The following METTL15 variants were observed in gnomAD, a reference collection of about 807,000 sequenced individuals.
METTL15 encodes methyltransferase 15, mitochondrial 12S rRNA N4-cytidine.
Under a neutral mutation model 38.3 loss-of-function variants are expected in METTL15, and 34 were observed. That is an observed-to-expected ratio of 0.89 (90% CI 0.68 to 1.18). The LOEUF is 1.18. Ranked by LOEUF, METTL15 falls within the 50% of genes most tolerant of loss-of-function variation. METTL15 has a pLI of 0.00. For synonymous variants in METTL15, 162 were observed against 170.9 expected (o/e 0.95, Z 0.41); for missense variants, 438 against 498.4 (o/e 0.88, Z 1.15).
In METTL15 at chr11:28,147,635, C is replaced by T. The variant is rs1203145862; in HGVS notation, c.270+34031C>T. ...AGGAAATTTTAAGAACAACAGTAAC[C>T]TATTGGGTTTTTGTTCATTATCCCT... On this transcript the variant is annotated intron_variant, in intron 3 of 6. Transcript: ENST00000407364. Among the ~76,000 whole-genome samples the T allele has an allele frequency of 2.6e-5, 4 of 151,618 alleles. No individual in the cohort carries two copies. The South Asian group carries it at 8.3e-4, about 32-fold the overall frequency.
chr11:28,399,932 A>G (rs1850614305), intron 5 of METTL15, among the ~76,000 whole-genome samples: 2 of 151,950 alleles, frequency 1.3e-5, no homozygotes, highest in Non-Finnish European at 2.9e-5. Context: ...GAGTACCTGA[A>G]GCCATAAATA....
At chr11:28,442,707 GTTTCCCC>G (rs1331780226) in intron 6 of METTL15, among the ~76,000 whole-genome samples, 1 of 152,140 alleles carries the variant, frequency 6.6e-6, no homozygotes, top group East Asian at 1.9e-4. Flanking sequence ...GCAGAGGTGA[GTTTCCCC>G]TGGGAAATCC....
intron 3 of METTL15, among the ~76,000 whole-genome samples, chr11:28,173,039 C>T (rs1371893750): frequency 6.6e-6 from 1 of 151,986 alleles, no homozygotes; most frequent in Non-Finnish European, 1.5e-5. Context: ...TTGATAGTAA[C>T]TGATGAAAAG....
intron 5 of METTL15, among the ~76,000 whole-genome samples, chr11:28,397,619 G>T (rs1428985790): frequency 2.0e-5 from 3 of 152,042 alleles, no homozygotes; most frequent in Admixed American, 2.0e-4. Flanking sequence ...GGAGAAATAG[G>T]AACACTTTTA....
At chr11:28,411,059 T>C (rs552735890) in intron 5 of METTL15, among the ~76,000 whole-genome samples, 8 of 152,158 alleles carry the variant, frequency 5.3e-5, no homozygotes, top group Non-Finnish European at 1.2e-4. Context: ...GTGAAAGATT[T>C]GTACACTGAA....
chr11:28,211,286 A>C, intron 4 of METTL15, 88 bp downstream of exon 4: 2 of 1,238,356 alleles, frequency 1.6e-6, no homozygotes, highest in Non-Finnish European at 2.2e-6. Flanking sequence ...TCTGCTTTGC[A>C]TGGGCTATAT....
At chr11:28,416,699 T>C (rs1850775346) in intron 5 of METTL15, among the ~76,000 whole-genome samples, 2 of 152,222 alleles carry the variant, frequency 1.3e-5, no homozygotes, top group Non-Finnish European at 2.9e-5. Context: ...GTAGCTCTGA[T>C]ACCAGAGACT....
chr11:28,447,721 G>A (rs1176398560), intron 6 of METTL15, among the ~76,000 whole-genome samples: 4 of 152,036 alleles, frequency 2.6e-5, no homozygotes, highest in African/African-American at 7.3e-5. Context: ...TTAGAGAATG[G>A]CAGTTATGTA....
chr11:28,180,743 A>G (rs976345907), intron 3 of METTL15, among the ~76,000 whole-genome samples: 1 of 151,966 alleles, frequency 6.6e-6, no homozygotes, highest in East Asian at 1.9e-4. Flanking sequence ...AAATGAAAAG[A>G]ATAGTATATT....
intron 5 of METTL15, among the ~76,000 whole-genome samples, chr11:28,371,885 T>C: frequency 6.6e-6 from 1 of 152,136 alleles, no homozygotes; most frequent in East Asian, 1.9e-4. Context: ...TAACAATTTT[T>C]TGTTAGAGAC....
chr11:28,403,738 C>T (rs1180204245), intron 5 of METTL15, among the ~76,000 whole-genome samples: 1 of 152,038 alleles, frequency 6.6e-6, no homozygotes, highest in African/African-American at 2.4e-5. Context: ...AGGAACATGA[C>T]TAAGAAATGG....
In METTL15 at chr11:28,436,027, T is replaced by C. The variant is rs181766586; in HGVS notation, c.*424+11663T>C. Among the ~76,000 whole-genome samples the C allele has an allele frequency of 6.1e-3, 921 of 151,904 alleles. 3 individuals are homozygous for C. Among genetic ancestry groups the C allele is most frequent in the Non-Finnish European group, 9.9e-3 (673 of 68,022 alleles). On this transcript the variant is annotated intron_variant and NMD_transcript_variant, in intron 6 of 7. Coordinates refer to the METTL15 transcript ENST00000532947. ...TTTAATTTAGAATATATCTTTCTTG[T>C]AGCAGTGTATCAAATACAGTCAATA...
At chr11:28,410,636 C>G (rs1393374029) in intron 5 of METTL15, 1 of 151,834 alleles carries the variant, frequency 6.6e-6, no homozygotes, top group East Asian at 1.9e-4. Flanking sequence ...ATAATAAAGC[C>G]CATTTAAGAA....
At chr11:28,335,179 GTAT>G (rs890822861), downstream of METTL15, among the ~76,000 whole-genome samples, 12 of 152,090 alleles carry the variant, frequency 7.9e-5, no homozygotes, top group African/African-American at 1.9e-4. Context: ...GTGAAGATTT[GTAT>G]TATTAAGCCA....
Position 28,354,608 on chromosome 11 carries a change from GA to G in METTL15, c.*258+2458del, listed in dbSNP as rs374473573. 1.1e-4 allele frequency among the ~76,000 whole-genome samples: 16 copies of G among 151,730 alleles called. No homozygotes were observed. In the South Asian group the frequency reaches 2.3e-3, roughly 22 times the overall value. Reference sequence around the variant, plus strand: ...GTATGGCTTGAGGGCAGCAGTGGATGAAAAAAAACCCTGACTTTATTGTATC... The same window carrying G: ...GTATGGCTTGAGGGCAGCAGTGGATGAAAAAAACCCTGACTTTATTGTATC... On this transcript the variant is annotated intron_variant and NMD_transcript_variant, in intron 4 of 7. Coordinates refer to the METTL15 transcript ENST00000532947.
At chr11:28,457,274 A>G (rs959907937) in intron 6 of METTL15, among the ~76,000 whole-genome samples, 1 of 152,220 alleles carries the variant, frequency 6.6e-6, no homozygotes, top group Non-Finnish European at 1.5e-5. Context: ...AAAGGCTTAT[A>G]TAAATAGATT....
chr11:28,363,317 G>A (rs964125449), intron 5 of METTL15, among the ~76,000 whole-genome samples: 1 of 152,048 alleles, frequency 6.6e-6, no homozygotes, highest in African/African-American at 2.4e-5. Flanking sequence ...GGGATTACAG[G>A]CTTGTGCCAC....
rs1054685457 is a variant in METTL15 at position 28,327,814 on chromosome 11, A to G, written c.779-2582A>G. 3 of 279,146 alleles carry G rather than the reference A, an allele frequency of 1.1e-5. No individual in the cohort carries two copies. In the South Asian group the frequency reaches 2.0e-4, roughly 18 times the overall value. The allele number at this position is 279,146 out of a possible 1,614,324, so 17.3% of individuals were successfully genotyped here. A position where few individuals can be genotyped will look rare whatever the true frequency, so the allele number is the denominator to read the frequency against. On this transcript the variant is annotated intron_variant, in intron 6 of 6. Transcript: ENST00000407364. ...TTTTGTTATGAAACATTCCATTTTC[A>G]TTAATTTTACAAAACACATTTACTG...
intron 3 of METTL15, among the ~76,000 whole-genome samples, chr11:28,126,960 G>A (rs1412937781): frequency 1.3e-5 from 2 of 152,100 alleles, no homozygotes; most frequent in African/African-American, 4.8e-5. Flanking sequence ...AGGTTAAGAG[G>A]AGGGTAAAGA....
Sources: gnomAD v4.1 joint callset for allele counts (sites outside exome capture counted in the v4.1 genomes callset) on GRCh38, gnomAD v4.1.1 for gene constraint, MANE v1.5 for transcripts, NCBI Gene and HGNC (gene_info 2026-07-23, HGNC 2026-07-21) for gene names.